Variants in THSD7B observed in about 807,000 individuals in gnomAD.
THSD7B encodes the protein thrombospondin type 1 domain containing 7B.
In THSD7B, 138 loss-of-function variants were observed where a neutral mutation model predicts 213.6. The observed-to-expected ratio is 0.65, with a 90% CI of 0.56 to 0.74. THSD7B has a LOEUF of 0.74. THSD7B is among the 30% of genes least tolerant of loss of function. The probability of loss-of-function intolerance (pLI) is 0.00; values close to 1 mark genes in which losing one functional copy is unlikely to be tolerated. For synonymous variants in THSD7B, 742 were observed against 687.0 expected, an observed-to-expected ratio of 1.08 and a Z score of -1.25; for missense variants, 1,931 against 1,991.5, an observed-to-expected ratio of 0.97 and a Z score of 0.58.
chr2:137,255,215 CT>C (rs1351750932), intron 10 of THSD7B, among the ~76,000 whole-genome samples: 1 of 152,170 alleles, frequency 6.6e-6, no homozygotes, highest in Non-Finnish European at 1.5e-5. Flanking sequence ...ATATCAGCTG[CT>C]TCTCAACCCC....
At chr2:137,349,184 A>G (rs1002506974) in intron 12 of THSD7B, among the ~76,000 whole-genome samples, 4 of 151,782 alleles carry the variant, frequency 2.6e-5, no homozygotes, top group African/African-American at 9.6e-5. Context: ...GTTCAAGTCT[A>G]TTGCTTTGGG....
At chr2:137,151,061 A>G (rs1240194721) in intron 5 of THSD7B, among the ~76,000 whole-genome samples, 1 of 152,176 alleles carries the variant, frequency 6.6e-6, no homozygotes, top group Non-Finnish European at 1.5e-5. Context: ...CTAGGATGTT[A>G]CTGTACACTA....
intron 7 of THSD7B, among the ~76,000 whole-genome samples, chr2:137,197,358 G>A (rs1573880310): frequency 6.6e-6 from 1 of 151,974 alleles, no homozygotes; most frequent in Non-Finnish European, 1.5e-5. Context: ...TAAACTTCGG[G>A]CAATCTTGTT....
intron 12 of THSD7B, among the ~76,000 whole-genome samples, chr2:137,396,440 A>G (rs1250741275): frequency 2.0e-5 from 3 of 148,806 alleles, no homozygotes; most frequent in Non-Finnish European, 4.5e-5. Context: ...TCATTCAGGA[A>G]CAGGTTGTTC....
chr2:137,149,230 A>G (rs994426752), intron 5 of THSD7B, among the ~76,000 whole-genome samples: 1 of 152,176 alleles, frequency 6.6e-6, no homozygotes, highest in Non-Finnish European at 1.5e-5. Context: ...AAGGTTTGGG[A>G]ACCTCTACTT....
chr2:136,826,130 A>T (rs987400015), intron 1 of THSD7B, among the ~76,000 whole-genome samples: 2 of 148,438 alleles, frequency 1.3e-5, no homozygotes, highest in African/African-American at 5.0e-5. Flanking sequence ...TTATGAAATT[A>T]TATACTCTGA....
intron 2 of THSD7B, among the ~76,000 whole-genome samples, chr2:137,022,448 G>A (rs1686462420): frequency 6.6e-6 from 1 of 151,992 alleles, no homozygotes; most frequent in African/African-American, 2.4e-5. Flanking sequence ...CCACACAGAA[G>A]TCAAGTATTT....
At chr2:137,262,514 A>T (rs556193482) in intron 10 of THSD7B, among the ~76,000 whole-genome samples, 2 of 152,318 alleles carry the variant, frequency 1.3e-5, no homozygotes, top group South Asian at 4.1e-4. Context: ...ACAAGAAGAA[A>T]AGACAAGTGC....
chr2:137,611,531 G>T (rs1682289533), intron 17 of THSD7B, among the ~76,000 whole-genome samples: 2 of 152,030 alleles, frequency 1.3e-5, no homozygotes, highest in Non-Finnish European at 2.9e-5. Context: ...CAGTTATAAG[G>T]ATGAAATGAG....
intron 12 of THSD7B, among the ~76,000 whole-genome samples, chr2:137,320,213 G>A (rs1266205595): frequency 2.6e-5 from 4 of 152,106 alleles, no homozygotes; most frequent in African/African-American, 9.7e-5. Context: ...TTTAGCATAT[G>A]ATCTCTTACA....
In THSD7B at chr2:137,325,994, C is replaced by T. The variant is rs563043675; in HGVS notation, c.2500+49968C>T. ...GTGAGGGAGCATTTTTCTTAGAAGC[C>T]TTCTGAAATCTTTTCTCATATACCA... On this transcript the variant is annotated intron_variant, in intron 12 of 27. Transcript: ENST00000409968. 2.4e-4 allele frequency among the ~76,000 whole-genome samples: 36 copies of T among 152,310 alleles called. No homozygotes were observed. The South Asian group carries it at 7.1e-3, about 30-fold the overall frequency.
intron 2 of THSD7B, among the ~76,000 whole-genome samples, chr2:136,929,061 T>C (rs1001728941): frequency 6.6e-6 from 1 of 152,118 alleles, no homozygotes; most frequent in African/African-American, 2.4e-5. Flanking sequence ...GCCATCAACA[T>C]GAAAAACGTA....
At chr2:137,327,243 G>A (rs1449216125) in intron 12 of THSD7B, among the ~76,000 whole-genome samples, 2 of 152,172 alleles carry the variant, frequency 1.3e-5, no homozygotes, top group African/African-American at 2.4e-5. Context: ...TGCCAAGCCT[G>A]AGACATTCTG....
intron 3 of THSD7B, among the ~76,000 whole-genome samples, chr2:137,070,220 T>G (rs929262494): frequency 6.6e-6 from 1 of 151,970 alleles, no homozygotes; most frequent in African/African-American, 2.4e-5. Context: ...ATAATCCTTT[T>G]GAATTTTTTT....
chr2:137,260,537 A>AG (rs1274271980), intron 10 of THSD7B, among the ~76,000 whole-genome samples: 1 of 152,088 alleles, frequency 6.6e-6, no homozygotes, highest in East Asian at 1.9e-4. Context: ...TCAAGGCGGG[A>AG]GGATTCCTTG....
intron 21 of THSD7B, among the ~76,000 whole-genome samples, chr2:137,653,578 G>T (rs1683177372): frequency 6.7e-6 from 1 of 149,138 alleles, no homozygotes; most frequent in Non-Finnish European, 1.5e-5. Flanking sequence ...TGGTCTTTTG[G>T]GGTAATTTTC....
intron 4 of THSD7B, among the ~76,000 whole-genome samples, chr2:137,099,670 C>G (rs1333766946): frequency 1.3e-5 from 2 of 152,168 alleles, no homozygotes; most frequent in Admixed American, 6.5e-5. Flanking sequence ...TGTTCTGTCT[C>G]TTAAATGATC....
chr2:137,544,025 A>T (rs1328070246), intron 15 of THSD7B, among the ~76,000 whole-genome samples: 1 of 151,780 alleles, frequency 6.6e-6, no homozygotes, highest in Non-Finnish European at 1.5e-5. Flanking sequence ...AGAACCTAAA[A>T]TGTTGCAGCC....
intron 6 of THSD7B, among the ~76,000 whole-genome samples, chr2:137,162,465 G>A (rs1680036400): frequency 6.6e-6 from 1 of 152,074 alleles, no homozygotes; most frequent in African/African-American, 2.4e-5. Flanking sequence ...ATCAGGAGAG[G>A]GACAGTTCCC....
Sources: allele counts gnomAD v4.1 joint callset (sites outside exome capture counted in the v4.1 genomes callset), GRCh38; gene constraint gnomAD v4.1.1; transcripts MANE v1.5; gene names NCBI Gene and HGNC (gene_info 2026-07-23, HGNC 2026-07-21).